The following GRIN2A variants were observed in gnomAD, a reference collection of about 807,000 sequenced individuals.
GRIN2A encodes the protein glutamate receptor ionotropic, NMDA 2A.
In GRIN2A, 22 loss-of-function variants were observed where a neutral mutation model predicts 113.4. The observed-to-expected ratio is 0.19, with a 90% CI of 0.14 to 0.28. GRIN2A has a LOEUF of 0.28. Ranked by LOEUF, GRIN2A falls within the 10% of genes least tolerant of loss-of-function variation. GRIN2A has a pLI of 1.00. For missense variants in GRIN2A, 1,502 were observed against 1,887.0 expected (o/e 0.80, Z 3.78); for synonymous variants, 827 against 738.4 (o/e 1.12, Z -1.94).
intron 2 of GRIN2A, among the ~76,000 whole-genome samples, chr16:10,165,546 A>T (rs891803597): frequency 6.8e-6 from 1 of 146,620 alleles, no homozygotes; most frequent in East Asian, 2.0e-4. Flanking sequence ...ATATACTGAC[A>T]TATTTACTGA....
At chr16:9,843,884 A>G (rs1397573622) in intron 5 of GRIN2A, among the ~76,000 whole-genome samples, 9 of 152,208 alleles carry the variant, frequency 5.9e-5, no homozygotes, top group Admixed American at 5.9e-4. Flanking sequence ...AACTGCCACA[A>G]ATATGATAGA....
chr16:9,972,148 G>A (rs1343914286), intron 2 of GRIN2A, among the ~76,000 whole-genome samples: 1 of 152,192 alleles, frequency 6.6e-6, no homozygotes, highest in African/African-American at 2.4e-5. Flanking sequence ...AACAAAGGGT[G>A]AGTAGACAAG....
rs572354657 is a variant in GRIN2A at position 9,765,667 on chromosome 16, TAGAG to T, written c.2596-723_2596-720del. Among the ~76,000 whole-genome samples, 889 of 152,286 alleles carry T rather than the reference TAGAG, an allele frequency of 5.8e-3. 5 individuals carry two copies. The highest frequency in any genetic ancestry group is 9.6e-3 in the Non-Finnish European group (652 of 68,024). ...GCAGTGAAAAGTAGAGCCCAAGAGA[TAGAG>T]AAAGACATGGTTTAAACCCCTGGAG... On this transcript the variant is annotated intron_variant, in intron 12 of 12. Transcript: ENST00000330684.
At chr16:10,019,798 G>C (rs2046682208) in intron 2 of GRIN2A, among the ~76,000 whole-genome samples, 1 of 152,190 alleles carries the variant, frequency 6.6e-6, no homozygotes, top group African/African-American at 2.4e-5. Flanking sequence ...CCATAATGTA[G>C]ATATGTTGAC....
At chr16:9,807,200 AGG>A (rs1347543532) in intron 10 of GRIN2A, among the ~76,000 whole-genome samples, 2 of 120,124 alleles carry the variant, frequency 1.7e-5, no homozygotes, top group African/African-American at 3.2e-5. Flanking sequence ...AGAGAGAGAG[AGG>A]GAGATGGAGA....
intron 11 of GRIN2A, chr16:9,794,594 C>A (rs143413589): frequency 6.6e-6 from 1 of 152,320 alleles, no homozygotes; most frequent in Non-Finnish European, 1.5e-5. Context: ...ATGGCATTTT[C>A]TCTCCCAAGT....
intron 2 of GRIN2A, among the ~76,000 whole-genome samples, chr16:10,092,825 C>T (rs1329409257): frequency 2.7e-5 from 4 of 149,162 alleles, no homozygotes; most frequent in Non-Finnish European, 4.4e-5. Context: ...TCAAGGTATA[C>T]ATAAAAGATA....
At chr16:9,939,122 A>C (rs1171341832) in intron 2 of GRIN2A, among the ~76,000 whole-genome samples, 1 of 152,186 alleles carries the variant, frequency 6.6e-6, no homozygotes, top group Non-Finnish European at 1.5e-5. Flanking sequence ...CCATGTGGAC[A>C]TCTACCTTTT....
rs150723969 is a variant in GRIN2A, at chr16:10,000,766, C to A, written c.415-62215G>T. 5.4e-3 allele frequency among the ~76,000 whole-genome samples: 821 copies of A among 152,240 alleles called. 5 individuals carry two copies. The highest frequency in any genetic ancestry group is 0.019 in the African/African-American group (788 of 41,538). On this transcript the variant is annotated intron_variant, in intron 2 of 12. Transcript: ENST00000330684. ...CCTCTTTCTCCTTTTTCTTCTCTTC[C>A]GCTGCTGTCTTCATTTATTTATTTT...
intron 2 of GRIN2A, among the ~76,000 whole-genome samples, chr16:10,026,752 C>T (rs1159729951): frequency 6.6e-6 from 1 of 152,156 alleles, no homozygotes; most frequent in African/African-American, 2.4e-5. Flanking sequence ...GAGAAACACG[C>T]CAAACAAGAA....
At chr16:10,091,669 T>C (rs551905769) in intron 2 of GRIN2A, among the ~76,000 whole-genome samples, 8 of 152,146 alleles carry the variant, frequency 5.3e-5, no homozygotes, top group African/African-American at 1.7e-4. Flanking sequence ...ATCCAGATAA[T>C]GGAATGTTAT....
rs754810217 is a variant in GRIN2A, at chr16:9,757,088, T to A, written c.*6061A>T. The A allele has an allele frequency of 2.9e-5, 6 of 209,832 alleles. No individual in the cohort carries two copies. Among genetic ancestry groups the A allele is most frequent in the Non-Finnish European group, 4.8e-5 (5 of 103,302 alleles). 13.0% of individuals were successfully genotyped at this position (209,832 alleles called of 1,614,324 possible). ...TCGTCTTTTTACATCATGGTCTATT[T>A]TCTAATCCTTTGGGGAATTTTTTCA... On this transcript the variant is annotated 3_prime_UTR_variant, in exon 13 of 13. Transcript: ENST00000330684.
intron 2 of GRIN2A, among the ~76,000 whole-genome samples, chr16:10,100,498 C>A (rs9928470): frequency 0.41 from 61,560 of 151,970 alleles, 12,623 homozygotes; most frequent in East Asian, 0.46. Context: ...CATCTGTAAA[C>A]TGGGAGTAAT....
At chr16:10,160,720 C>G (rs902491554) in intron 2 of GRIN2A, among the ~76,000 whole-genome samples, 2 of 152,202 alleles carry the variant, frequency 1.3e-5, no homozygotes, top group African/African-American at 4.8e-5. Flanking sequence ...GTTTAAGAAA[C>G]AAAACTTGAT....
rs569463295 is a variant in GRIN2A at position 9,761,716 on chromosome 16, TA to T, written c.*1432del. ...AGTATTCCCCTCTCTGTCTCTAACTTAAAAAAAAAATGGATATCATTTCATG... is the reference window on the plus strand; with the variant it reads ...AGTATTCCCCTCTCTGTCTCTAACTTAAAAAAAAATGGATATCATTTCATG... On this transcript the variant is annotated 3_prime_UTR_variant, in exon 13 of 13. Coordinates refer to ENST00000330684, the MANE Select transcript of GRIN2A (RefSeq NM_001134407.3). 808 of 210,230 alleles carry T rather than the reference TA, an allele frequency of 3.8e-3. No individual in the cohort carries two copies. The highest frequency in any genetic ancestry group is 0.012 in the Middle Eastern group (8 of 648). The allele number at this position is 210,230 out of a possible 1,614,324, so 13.0% of individuals were successfully genotyped here. A position where few individuals can be genotyped will look rare whatever the true frequency, so the allele number is the denominator to read the frequency against.
chr16:10,116,062 A>G (rs1002576320), intron 2 of GRIN2A, among the ~76,000 whole-genome samples: 1 of 152,252 alleles, frequency 6.6e-6, no homozygotes, highest in African/African-American at 2.4e-5. Context: ...AAGACATGGA[A>G]TTAACCCAAA....
intron 2 of GRIN2A, among the ~76,000 whole-genome samples, chr16:10,024,200 T>C (rs947299353): frequency 6.6e-6 from 1 of 151,898 alleles, no homozygotes; most frequent in Non-Finnish European, 1.5e-5. Context: ...GATGCACAAG[T>C]GGTCTCATTA....
At chr16:10,084,512 G>A (rs546283578) in intron 2 of GRIN2A, among the ~76,000 whole-genome samples, 9 of 152,080 alleles carry the variant, frequency 5.9e-5, no homozygotes, top group Non-Finnish European at 1.3e-4. Flanking sequence ...TAGGCGGCAA[G>A]AAAAAGAAAG....
At chr16:9,898,889 T>C (rs1167088688) in intron 3 of GRIN2A, among the ~76,000 whole-genome samples, 2 of 151,724 alleles carry the variant, frequency 1.3e-5, no homozygotes, top group African/African-American at 2.4e-5. Context: ...TCATCTTCCA[T>C]TAACTATTCC....
Sources: allele counts gnomAD v4.1 joint callset (sites outside exome capture counted in the v4.1 genomes callset), GRCh38; gene constraint gnomAD v4.1.1; transcripts MANE v1.5; gene names NCBI Gene and HGNC (gene_info 2026-07-23, HGNC 2026-07-21).